AP3S1: variants seen among roughly 807,000 people sequenced by gnomAD.
AP3S1 encodes the protein AP-3 complex subunit sigma-1.
Under a neutral mutation model 21.3 loss-of-function variants are expected in AP3S1, and 12 were observed. The ratio of observed to expected loss-of-function variants is 0.56; its 90% CI spans 0.36 to 0.91. The LOEUF (loss-of-function observed/expected upper bound fraction) is 0.91. Ranked by LOEUF, AP3S1 falls within the 40% of genes least tolerant of loss-of-function variation. AP3S1 has a pLI of 0.01. For missense variants in AP3S1, 116 were observed against 225.0 expected, an observed-to-expected ratio of 0.52 and a Z score of 3.10; for synonymous variants, 48 against 78.4, an observed-to-expected ratio of 0.61 and a Z score of 2.05.
rs3984983 is a variant in AP3S1 at position 115,854,679 on chromosome 5, C to CTTT, written c.70-11980_70-11978dup. 1.2e-4 allele frequency among the ~76,000 whole-genome samples: 17 copies of CTTT among 144,134 alleles called. 1 individual carries two copies. The highest frequency in any genetic ancestry group is 4.0e-4 in the African/African-American group (16 of 39,580). The allele number at this position is 144,134 out of a possible 152,430, so 94.6% of individuals were successfully genotyped here. A position where few individuals can be genotyped will look rare whatever the true frequency, so the allele number is the denominator to read the frequency against. On this transcript the variant is annotated intron_variant, in intron 1 of 5. Transcript: ENST00000316788. ...TCTGAGGCTTTGTCCTCAGATATCT[C>CTTT]TTTTTTTTTTTTTAAGTGCAACATA...
chr5:115,847,265 T>C (rs1218886645), intron 1 of AP3S1, among the ~76,000 whole-genome samples: 1 of 151,422 alleles, frequency 6.6e-6, no homozygotes, highest in Non-Finnish European at 1.5e-5. Context: ...AAGAAAGGAG[T>C]GGATGGTGGG....
intron 1 of AP3S1, among the ~76,000 whole-genome samples, chr5:115,848,220 G>C (rs1309719652): frequency 6.6e-6 from 1 of 152,058 alleles, no homozygotes; most frequent in Non-Finnish European, 1.5e-5. Context: ...TAAATATTAA[G>C]GCCACTAAGG....
intron 1 of AP3S1, among the ~76,000 whole-genome samples, chr5:115,859,354 A>G (rs1048187250): frequency 5.9e-5 from 9 of 152,228 alleles, no homozygotes; most frequent in Non-Finnish European, 1.3e-4. Flanking sequence ...GAAGGGGCCA[A>G]AGGAACTTCT....
intron 1 of AP3S1, among the ~76,000 whole-genome samples, chr5:115,843,764 G>T (rs1255929000): frequency 6.6e-6 from 1 of 152,152 alleles, no homozygotes; most frequent in African/African-American, 2.4e-5. Flanking sequence ...TATACTACTC[G>T]TATAGTGTAT....
intron 3 of AP3S1, among the ~76,000 whole-genome samples, chr5:115,879,041 T>C (rs930920177): frequency 4.6e-5 from 7 of 152,222 alleles, no homozygotes; most frequent in Admixed American, 4.6e-4. Context: ...TTTTGCACAT[T>C]GGTTTTGTAT....
chr5:115,895,857 G>T (rs1040310925), intron 4 of AP3S1, among the ~76,000 whole-genome samples: 6 of 152,182 alleles, frequency 3.9e-5, no homozygotes, highest in African/African-American at 1.4e-4. Flanking sequence ...CTAAGATTAG[G>T]TTTGGAAGAA....
At chr5:115,907,237 C>T (rs976040704) in intron 5 of AP3S1, among the ~76,000 whole-genome samples, 2 of 152,130 alleles carry the variant, frequency 1.3e-5, no homozygotes, top group African/African-American at 4.8e-5. Flanking sequence ...CTTAATTTAA[C>T]TCTCACAGAT....
chr5:115,842,190 C>T (rs994380717), intron 1 of AP3S1, 84 bp downstream of exon 1: 1 of 1,476,172 alleles, frequency 6.8e-7, no homozygotes, highest in Non-Finnish European at 9.0e-7. Context: ...CAGAGCGACC[C>T]CCTCCGGCGC....
At chr5:115,846,355 T>C (rs567659737) in intron 1 of AP3S1, among the ~76,000 whole-genome samples, 1 of 152,224 alleles carries the variant, frequency 6.6e-6, no homozygotes, top group Non-Finnish European at 1.5e-5. Flanking sequence ...TTGTGTGAAT[T>C]ATCTTAGTTG....
intron 2 of AP3S1, among the ~76,000 whole-genome samples, chr5:115,869,126 T>G (rs1477743528): frequency 6.6e-6 from 1 of 152,220 alleles, no homozygotes; most frequent in Non-Finnish European, 1.5e-5. Flanking sequence ...ATGAAATAGC[T>G]AAACTATATT....
At chr5:115,874,923 C>T (rs1748570842) in intron 3 of AP3S1, among the ~76,000 whole-genome samples, 1 of 152,016 alleles carries the variant, frequency 6.6e-6, no homozygotes. Flanking sequence ...TATTTAACCT[C>T]TTTGACCCTA....
At chr5:115,866,648 T>C in intron 1 of AP3S1, 22 bp from the exon 2 acceptor site, 1 of 1,512,460 alleles carries the variant, frequency 6.6e-7, no homozygotes. Flanking sequence ...CATCCTAATA[T>C]ATATGAATTA....
At chr5:115,906,993 T>G (rs1044103959) in intron 5 of AP3S1, 7 of 1,248,840 alleles carry the variant, frequency 5.6e-6, no homozygotes, top group African/African-American at 1.5e-5. Context: ...TAGCCTATTT[T>G]CCATTCTAGT....
intron 3 of AP3S1, among the ~76,000 whole-genome samples, 172 bp downstream of exon 3, chr5:115,870,300 A>C (rs1376090639): frequency 6.6e-6 from 1 of 152,224 alleles, no homozygotes. Context: ...CAAACATTTG[A>C]TCTGATTAAA....
intron 1 of AP3S1, among the ~76,000 whole-genome samples, chr5:115,863,579 G>C (rs1763364809): frequency 6.6e-6 from 1 of 151,802 alleles, no homozygotes; most frequent in Non-Finnish European, 1.5e-5. Flanking sequence ...TCAAAAAAAA[G>C]AAAAGAAAAA....
intron 3 of AP3S1, among the ~76,000 whole-genome samples, chr5:115,872,267 G>C (rs969439481): frequency 1.3e-5 from 2 of 152,032 alleles, no homozygotes; most frequent in African/African-American, 2.4e-5. Context: ...AGGTAACAGA[G>C]TGAGACCCTG....
chr5:115,857,197 G>A lies in AP3S1; in HGVS notation c.70-9473G>A, dbSNP rs183151694. Among the ~76,000 whole-genome samples the A allele has an allele frequency of 2.5e-3, 380 of 152,292 alleles. 3 individuals carry two copies. Among genetic ancestry groups the A allele is most frequent in the African/African-American group, 8.6e-3 (359 of 41,558 alleles). The stretch of plus-strand genomic sequence containing the variant: ...CATTCCTTAAAAGAAAACTTCCTAT[G>A]AGATTTTATTGTCCTTAGAATTGTA... On this transcript the variant is annotated intron_variant, in intron 1 of 5. Transcript: ENST00000316788.
At chr5:115,866,809 A>G in intron 2 of AP3S1, 48 bp downstream of exon 2, 1 of 1,321,256 alleles carries the variant, frequency 7.6e-7, no homozygotes, top group Non-Finnish European at 1.1e-6. Context: ...CTATGTGATT[A>G]AAATATATAC....
At chr5:115,862,636 GT>G (rs1285996783) in intron 1 of AP3S1, among the ~76,000 whole-genome samples, 1 of 152,162 alleles carries the variant, frequency 6.6e-6, no homozygotes, top group Non-Finnish European at 1.5e-5. Context: ...AAATTCAGGT[GT>G]TTTGAGAATC....
Sources: allele counts gnomAD v4.1 joint callset (sites outside exome capture counted in the v4.1 genomes callset), GRCh38; gene constraint gnomAD v4.1.1; transcripts MANE v1.5; gene names NCBI Gene and HGNC (gene_info 2026-07-23, HGNC 2026-07-21).